TYW1: variants seen among roughly 807,000 people sequenced by gnomAD.
TYW1 encodes tRNA-yW synthesizing protein 1 homolog, also known as S-adenosyl-L-methionine-dependent tRNA 4-demethylwyosine synthase TYW1.
In TYW1, 46 loss-of-function variants were observed where a neutral mutation model predicts 96.2. The ratio of observed to expected loss-of-function variants is 0.48; its 90% CI spans 0.38 to 0.61. The LOEUF (loss-of-function observed/expected upper bound fraction) is 0.61. Ranked by LOEUF, TYW1 falls within the 20% of genes least tolerant of loss-of-function variation. The pLI is 0.00. For synonymous variants in TYW1, 274 were observed against 323.0 expected (o/e 0.85, Z 1.63); for missense variants, 684 against 909.6 (o/e 0.75, Z 3.19).
intron 12 of TYW1, among the ~76,000 whole-genome samples, chr7:67,100,566 G>T (rs1797054089): frequency 6.6e-6 from 1 of 152,110 alleles, no homozygotes; most frequent in Non-Finnish European, 1.5e-5. Flanking sequence ...AATTAAAGGG[G>T]CAGGGCGTGG....
At chr7:67,105,155 C>A (rs1209543660) in intron 12 of TYW1, among the ~76,000 whole-genome samples, 1 of 152,258 alleles carries the variant, frequency 6.6e-6, no homozygotes, top group East Asian at 1.9e-4. Flanking sequence ...TTCCCATGGA[C>A]CAAAGCTAGT....
chr7:67,096,289 C>G (rs1310330139), intron 11 of TYW1, among the ~76,000 whole-genome samples: 1 of 152,166 alleles, frequency 6.6e-6, no homozygotes, highest in Non-Finnish European at 1.5e-5. Flanking sequence ...ACTCGGGAGG[C>G]TGAGGCAGGA....
chr7:67,186,520 C>T (rs1192033669), intron 14 of TYW1, among the ~76,000 whole-genome samples: 1 of 152,134 alleles, frequency 6.6e-6, no homozygotes, highest in Non-Finnish European at 1.5e-5. Context: ...GACAGTCTTG[C>T]TCAGTTGCCT....
chr7:67,158,901 T>A (rs1799070738), intron 13 of TYW1, among the ~76,000 whole-genome samples: 1 of 152,220 alleles, frequency 6.6e-6, no homozygotes, highest in Non-Finnish European at 1.5e-5. Context: ...GTAATTTGTG[T>A]CTTCTCTCCG....
intron 7 of TYW1, among the ~76,000 whole-genome samples, chr7:67,026,371 C>T (rs1297099476): frequency 6.6e-6 from 1 of 152,120 alleles, no homozygotes; most frequent in African/African-American, 2.4e-5. Flanking sequence ...CCACACCTGG[C>T]CTACCTACAG....
intron 13 of TYW1, among the ~76,000 whole-genome samples, chr7:67,134,364 G>A (rs1435390972): frequency 1.3e-5 from 2 of 151,842 alleles, no homozygotes; most frequent in East Asian, 3.9e-4. Context: ...ACAACATGGT[G>A]AAACCCTGTT....
chr7:67,096,382 A>G (rs550739596), intron 11 of TYW1, among the ~76,000 whole-genome samples: 6 of 152,246 alleles, frequency 3.9e-5, no homozygotes, highest in African/African-American at 1.4e-4. Context: ...GCGCAACTCC[A>G]TCTCAAAAAC....
At chr7:67,072,408 T>C (rs11495955) in intron 10 of TYW1, among the ~76,000 whole-genome samples, 9,402 of 151,996 alleles carry the variant, frequency 0.062, 411 homozygotes, top group South Asian at 0.11. Flanking sequence ...CACCATGCCC[T>C]GCTAATTTTT....
intron 2 of TYW1, 129 bp downstream of exon 2, chr7:66,998,324 T>C: frequency 1.6e-6 from 2 of 1,264,072 alleles, no homozygotes; most frequent in Non-Finnish European, 2.1e-6. Context: ...ATGCCTAAAA[T>C]AAATTTCTTC....
chr7:67,014,171 A>G (rs1793925994), intron 4 of TYW1, among the ~76,000 whole-genome samples, 196 bp from the exon 5 acceptor site: 1 of 152,194 alleles, frequency 6.6e-6, no homozygotes, highest in Non-Finnish European at 1.5e-5. Flanking sequence ...GGCAGGAGCA[A>G]GGGACTGGGT....
intron 13 of TYW1, among the ~76,000 whole-genome samples, chr7:67,179,725 A>G (rs1240583263): frequency 2.8e-5 from 4 of 141,418 alleles, no homozygotes; most frequent in African/African-American, 1.1e-4. Context: ...CTCTCATTGG[A>G]ATTACATTAT....
At chr7:67,084,565 C>T (rs1228467093) in intron 11 of TYW1, among the ~76,000 whole-genome samples, 1 of 151,070 alleles carries the variant, frequency 6.6e-6, no homozygotes, top group Non-Finnish European at 1.5e-5. Flanking sequence ...GTCACCCAGG[C>T]TGGAGTATGT....
intron 13 of TYW1, among the ~76,000 whole-genome samples, chr7:67,137,542 A>G (rs79302106): frequency 0.033 from 5,080 of 152,338 alleles, 284 homozygotes; most frequent in East Asian, 0.16. Flanking sequence ...CTAACAGGAA[A>G]CAATTCCATT....
chr7:67,066,399 T>C (rs1257660566), intron 9 of TYW1, among the ~76,000 whole-genome samples: 1 of 152,194 alleles, frequency 6.6e-6, no homozygotes, highest in South Asian at 2.1e-4. Context: ...GATCTAGACA[T>C]TTTTTTAGAT....
intron 10 of TYW1, among the ~76,000 whole-genome samples, chr7:67,079,915 G>A (rs1426522689): frequency 6.6e-6 from 1 of 151,974 alleles, no homozygotes; most frequent in Admixed American, 6.6e-5. Flanking sequence ...TTCCTTTTAT[G>A]ACTGATTTCT....
chr7:67,239,139 AT>A lies in TYW1; in HGVS notation c.*611del. 15 of 986,294 alleles carry A rather than the reference AT, an allele frequency of 1.5e-5. No homozygotes were observed. The highest frequency in any genetic ancestry group is 1.8e-5 in the Non-Finnish European group (15 of 830,508). The allele number at this position is 986,294 out of a possible 1,614,324, so 61.1% of individuals were successfully genotyped here. A position where few individuals can be genotyped will look rare whatever the true frequency, so the allele number is the denominator to read the frequency against. ...ATTGCGTTGGATCTAAAACTACTAG[AT>A]CTCATCCCATTCCCATGTAAATTAC... On this transcript the variant is annotated 3_prime_UTR_variant, in exon 16 of 16. Transcript: ENST00000359626.
In TYW1 at chr7:67,183,201, G is replaced by A. The variant is rs144362734; in HGVS notation, c.1774G>A (p.Val592Met). 23 of 1,609,538 alleles carry A rather than the reference G, an allele frequency of 1.4e-5. No homozygotes were observed. The highest frequency in any genetic ancestry group is 5.6e-5 in the South Asian group (5 of 89,882). Residue 592 changes from valine to methionine, a missense_variant, in exon 14 of 16, where the codon GTG becomes ATG. Val to Met is a conservative substitution (Grantham distance 21). Coordinates refer to ENST00000359626, the MANE Select transcript of TYW1 (RefSeq NM_018264.4). ...CGAGCTCCAGGCCTACGCGCAGCTC[G>A]TGTCCCTGGGGAATCCTGACTTCAT... is the stretch of plus-strand genomic sequence containing the variant. ...VDELQAYAQLVSLGNPDFIEV... is the reference protein window; with the variant it reads ...VDELQAYAQLMSLGNPDFIEV...
At chr7:67,204,286 G>C (rs895841372) in intron 15 of TYW1, among the ~76,000 whole-genome samples, 7 of 151,938 alleles carry the variant, frequency 4.6e-5, no homozygotes, top group African/African-American at 1.7e-4. Flanking sequence ...CTGAGGCTTT[G>C]TTTGTTTCTC....
intron 10 of TYW1, among the ~76,000 whole-genome samples, chr7:67,071,130 C>CA (rs558946326): frequency 0.3 from 42,347 of 143,068 alleles, 6,189 homozygotes; most frequent in African/African-American, 0.34. Context: ...GACTCCGTCT[C>CA]AAAAAAAAAA....
Sources: gnomAD v4.1 joint callset for allele counts (sites outside exome capture counted in the v4.1 genomes callset) on GRCh38, gnomAD v4.1.1 for gene constraint, MANE v1.5 for transcripts, NCBI Gene and HGNC (gene_info 2026-07-23, HGNC 2026-07-21) for gene names.